MYO1H: variants seen among roughly 807,000 people sequenced by gnomAD.
The protein encoded by MYO1H is myosin IH.
A neutral mutation model predicts 149.3 loss-of-function variants in MYO1H; 118 were observed. That is an observed-to-expected ratio of 0.79 (90% CI 0.68 to 0.92). The LOEUF is 0.92. Ranked by LOEUF, MYO1H falls within the 40% of genes least tolerant of loss-of-function variation. The probability of loss-of-function intolerance (pLI) is 0.00; values close to 1 mark genes in which losing one functional copy is unlikely to be tolerated. For synonymous variants in MYO1H, 447 were observed against 465.2 expected, an observed-to-expected ratio of 0.96 and a Z score of 0.50; for missense variants, 1,212 against 1,280.7, an observed-to-expected ratio of 0.95 and a Z score of 0.82.
At chr12:109,318,978 T>TTTTTTTTTTTTGTTTG in the MYO1H span, among the ~76,000 whole-genome samples, 2 of 111,640 alleles carry the variant, frequency 1.8e-5, no homozygotes, top group Non-Finnish European at 3.8e-5. Context: ...TTTTGTTTTT[T>TTTTTTTTTTTTGTTTG]TTTTTTTTTT....
chr12:109,351,301 G>C (rs1868455898), intron 1 of MYO1H, among the ~76,000 whole-genome samples: 1 of 152,076 alleles, frequency 6.6e-6, no homozygotes, highest in Non-Finnish European at 1.5e-5. Flanking sequence ...CTTATGCCAG[G>C]TAAAAATATG....
At chr12:109,438,560 G>T (rs190693741) in exon 23 of MYO1H, 3 of 1,613,486 alleles carry the variant, frequency 1.9e-6, no homozygotes, top group South Asian at 1.1e-5. Flanking sequence ...GCCCACTGGC[G>T]TGGGGCCCTG....
At position 109,394,685 on chromosome 12, in the gene MYO1H, A is replaced by G. The variant is rs530140499; in HGVS notation, c.290+1239A>G. On this transcript the variant is annotated intron_variant, in intron 3 of 31. Coordinates refer to ENST00000310903, the Ensembl canonical transcript of MYO1H. ...TTTTCTCCCTCTTGACTTCTAGGCTAATATTTAGATTCTGCCTCTGTTGTC... is the reference window on the plus strand; with the variant it reads ...TTTTCTCCCTCTTGACTTCTAGGCTGATATTTAGATTCTGCCTCTGTTGTC... 3.3e-4 allele frequency among the ~76,000 whole-genome samples: 50 copies of G among 151,716 alleles called. 1 individual carries two copies. Among genetic ancestry groups the G allele is most frequent in the African/African-American group, 1.0e-3 (42 of 41,392 alleles).
chr12:109,323,943 C>G, the MYO1H span, among the ~76,000 whole-genome samples: 1 of 151,296 alleles, frequency 6.6e-6, no homozygotes, highest in Non-Finnish European at 1.5e-5. Context: ...ATTTGGGAAG[C>G]TGAGGCGGGA....
chr12:109,362,018 G>A (rs1868765186), intron 1 of MYO1H, among the ~76,000 whole-genome samples: 1 of 152,056 alleles, frequency 6.6e-6, no homozygotes, highest in Non-Finnish European at 1.5e-5. Context: ...ACGCAGCCAT[G>A]GGAGTCATTA....
chr12:109,329,059 CTA>C, the MYO1H span, among the ~76,000 whole-genome samples: 2 of 133,014 alleles, frequency 1.5e-5, no homozygotes, highest in African/African-American at 2.8e-5. Context: ...GCAAATCTGT[CTA>C]TGTTTTTAGG....
At chr12:109,431,334 T>G (rs1592815198) in intron 19 of MYO1H, among the ~76,000 whole-genome samples, 1 of 148,138 alleles carries the variant, frequency 6.8e-6, no homozygotes, top group Admixed American at 6.7e-5. Context: ...GAGTGGAGAT[T>G]GTGCCACTGC....
chr12:109,427,270 T>A (rs182110757), intron 18 of MYO1H, among the ~76,000 whole-genome samples, 199 bp from the exon 19 acceptor site: 2 of 148,518 alleles, frequency 1.3e-5, no homozygotes, highest in East Asian at 4.0e-4. Flanking sequence ...GAGCCGAGAT[T>A]GTGCCACTGC....
chr12:109,363,731 G>A (rs769955296), intron 1 of MYO1H, among the ~76,000 whole-genome samples: 8 of 151,914 alleles, frequency 5.3e-5, no homozygotes, highest in Non-Finnish European at 7.4e-5. Flanking sequence ...AGAAGAAGAC[G>A]CGTCTTGCTG....
chr12:109,343,589 T>C (rs1199282278), upstream of MYO1H, among the ~76,000 whole-genome samples: 2 of 152,230 alleles, frequency 1.3e-5, no homozygotes, highest in African/African-American at 2.4e-5. Flanking sequence ...CCAACCCATA[T>C]GCCACTGGAG....
At position 109,378,327 on chromosome 12, in the gene MYO1H, A is replaced by G. The variant is rs997962302; in HGVS notation, c.13-10356A>G. 7.5e-5 allele frequency among the ~76,000 whole-genome samples: 11 copies of G among 147,506 alleles called. No individual in the cohort carries two copies. In the East Asian group the frequency reaches 2.2e-3, roughly 29 times the overall value. On this transcript the variant is annotated intron_variant, in intron 1 of 31. Coordinates refer to ENST00000310903, the Ensembl canonical transcript of MYO1H. ...CTTTTTTTTTCTTTTTTATTTATTTATTTATTTTTTTGAGATAAGGTCTCA... is the reference window on the plus strand; with the variant it reads ...CTTTTTTTTTCTTTTTTATTTATTTGTTTATTTTTTTGAGATAAGGTCTCA...
chr12:109,400,408 A>G (rs547405107), intron 5 of MYO1H, among the ~76,000 whole-genome samples: 5 of 152,128 alleles, frequency 3.3e-5, no homozygotes, highest in Non-Finnish European at 7.4e-5. Context: ...GTGGTTTTTC[A>G]CTGTGATTTA....
In MYO1H at chr12:109,410,687, G is replaced by T. The variant is rs927945508; in HGVS notation, c.1330-1G>T. 1 of 1,591,754 alleles carries T rather than the reference G, an allele frequency of 6.3e-7. No homozygotes were observed. Among genetic ancestry groups the T allele is most frequent in the African/African-American group, 1.3e-5 (1 of 74,622 alleles). On this transcript the variant is annotated splice_acceptor_variant, in intron 12 of 31. Transcript: ENST00000310903. LOFTEE classifies it high-confidence loss of function. ...GAATTCATTCCTCTTTGTCATTTTAGTGGGAGCCAATTAAATATTTCAACA... is the reference window on the plus strand; with the variant it reads ...GAATTCATTCCTCTTTGTCATTTTATTGGGAGCCAATTAAATATTTCAACA...
At position 109,406,960 on chromosome 12, in the gene MYO1H, A is replaced by G. The variant is rs1360085087; in HGVS notation, c.1035+100A>G. On this transcript the variant is annotated intron_variant, in intron 9 of 31. Coordinates refer to ENST00000310903, the Ensembl canonical transcript of MYO1H. Reference sequence around the variant, plus strand: ...GGCCTCAGGGGAGGCCAAACCTTTGATCCTAGCTCACCAGGCCCTGCGTGG... The same window carrying G: ...GGCCTCAGGGGAGGCCAAACCTTTGGTCCTAGCTCACCAGGCCCTGCGTGG... 9.6e-6 allele frequency: 10 copies of G among 1,045,392 alleles called. No individual in the cohort carries two copies. The Middle Eastern group carries it at 8.4e-4, about 88-fold the overall frequency. 64.8% of individuals were successfully genotyped at this position (1,045,392 alleles called of 1,614,324 possible). A position where few individuals can be genotyped will look rare whatever the true frequency, so the allele number is the denominator to read the frequency against.
chr12:109,353,440 G>A lies in MYO1H; in HGVS notation c.12+5468G>A, dbSNP rs933124564. Among the ~76,000 whole-genome samples, 5 of 146,542 alleles carry A rather than the reference G, an allele frequency of 3.4e-5. No homozygotes were observed. The East Asian group carries it at 5.9e-4, about 17-fold the overall frequency. ...AAAAATTGTGGTTATAGAACTTACCGGGAAATAAACTGTTGCTTGAATTTT... is the reference window on the plus strand; with the variant it reads ...AAAAATTGTGGTTATAGAACTTACCAGGAAATAAACTGTTGCTTGAATTTT... On this transcript the variant is annotated intron_variant, in intron 1 of 31. Transcript: ENST00000310903.
intron 16 of MYO1H, among the ~76,000 whole-genome samples, chr12:109,421,287 G>C (rs1871165592): frequency 6.6e-6 from 1 of 151,932 alleles, no homozygotes; most frequent in Admixed American, 6.6e-5. Flanking sequence ...GAACAAGATG[G>C]AGCTCTTATT....
rs763297204 is a variant in MYO1H, at chr12:109,407,707, T to C, written c.1036-87T>C. The stretch of plus-strand genomic sequence containing the variant: ...AGCGAGACCCTGTCTCATTATTTTA[T>C]TTTTTTTTTAAGAAAAAAGACTTCT... On this transcript the variant is annotated intron_variant, in intron 9 of 31. Coordinates refer to ENST00000310903, the Ensembl canonical transcript of MYO1H. 2.1e-4 allele frequency: 225 copies of C among 1,083,996 alleles called. 1 individual carries two copies. Among genetic ancestry groups the C allele is most frequent in the Non-Finnish European group, 2.8e-4 (222 of 800,730 alleles). 67.1% of individuals were successfully genotyped at this position (1,083,996 alleles called of 1,614,324 possible).
intron 19 of MYO1H, among the ~76,000 whole-genome samples, chr12:109,429,547 A>G (rs1871522310): frequency 6.6e-6 from 1 of 152,254 alleles, no homozygotes; most frequent in Non-Finnish European, 1.5e-5. Flanking sequence ...TTTAAAGTGT[A>G]CAGGAAGATG....
chr12:109,345,742 A>T (rs2048100808), upstream of MYO1H, among the ~76,000 whole-genome samples: 1 of 152,210 alleles, frequency 6.6e-6, no homozygotes, highest in Non-Finnish European at 1.5e-5. Context: ...AATGTGGTAT[A>T]TCCATACCAG....
Sources: gnomAD v4.1 joint callset for allele counts (sites outside exome capture counted in the v4.1 genomes callset) on GRCh38, gnomAD v4.1.1 for gene constraint, MANE v1.5 for transcripts, NCBI Gene and HGNC (gene_info 2026-07-23, HGNC 2026-07-21) for gene names.